Variants in DUSP8 observed in about 807,000 individuals in gnomAD.
The protein encoded by DUSP8 is dual specificity protein phosphatase 8.
In DUSP8, 15 loss-of-function variants were observed where a neutral mutation model predicts 38.7. That is an observed-to-expected ratio of 0.39 (90% CI 0.26 to 0.60). The LOEUF is 0.60. DUSP8 is among the 20% of genes least tolerant of loss of function. DUSP8 has a pLI of 0.56. For missense variants in DUSP8, 768 were observed against 915.0 expected, an observed-to-expected ratio of 0.84 and a Z score of 2.07; for synonymous variants, 458 against 433.9, an observed-to-expected ratio of 1.06 and a Z score of -0.69.
In DUSP8 at chr11:1,555,453, C is replaced by A. The variant is rs1441396782; in HGVS notation, c.*1065G>T. ...GAGCCCCTCAGCCTGCAGGTGCACA[C>A]CTGAATTCCAAGTTCTGCCTGGGGC... On this transcript the variant is annotated 3_prime_UTR_variant, in exon 7 of 7. Transcript: ENST00000397374. 1 of 983,292 alleles carries A rather than the reference C, an allele frequency of 1.0e-6. No individual in the cohort carries two copies. Among genetic ancestry groups the A allele is most frequent in the African/African-American group, 1.8e-5 (1 of 56,918 alleles). 60.9% of individuals were successfully genotyped at this position (983,292 alleles called of 1,614,324 possible). A position where few individuals can be genotyped will look rare whatever the true frequency, so the allele number is the denominator to read the frequency against.
chr11:1,556,222 C>T lies in DUSP8; in HGVS notation c.*296G>A, dbSNP rs1166539676. 13 of 303,392 alleles carry T rather than the reference C, an allele frequency of 4.3e-5. No individual in the cohort carries two copies. The highest frequency in any genetic ancestry group is 6.6e-5 in the Non-Finnish European group (11 of 167,608). 18.8% of individuals were successfully genotyped at this position (303,392 alleles called of 1,614,324 possible). ...CAAAGGTCAGCAGTGTTTCCTGGGG[C>T]GGGGGAACTGGGAGGGGCCCCAGGC... On this transcript the variant is annotated 3_prime_UTR_variant, in exon 7 of 7. Coordinates refer to ENST00000397374, the MANE Select transcript of DUSP8 (RefSeq NM_004420.3). The surrounding 1 kb of genome is among the most constrained non-coding windows in gnomAD (Gnocchi z 5.2).
intron 1 of DUSP8, among the ~76,000 whole-genome samples, chr11:1,567,027 GTTTGC>G (rs1443309072): frequency 6.6e-6 from 1 of 152,158 alleles, no homozygotes; most frequent in Admixed American, 6.5e-5. Flanking sequence ...AGGATGATGA[GTTTGC>G]TTTAACTATG....
Position 1,572,176 on chromosome 11 carries a change from CGGCTCGGGCTCG to C in DUSP8, c.-396_-385del, listed in dbSNP as rs933678425. Among the ~76,000 whole-genome samples the C allele has an allele frequency of 2.8e-4, 40 of 145,266 alleles. No homozygotes were observed. Among genetic ancestry groups the C allele is most frequent in the African/African-American group, 6.2e-4 (25 of 40,484 alleles). ...CGGGCGCGGCCGGGAGGTTCCGGCGCGGCTCGGGCTCGGGCTCGGGCTCGGGCTCGGGCGTCC... is the reference window on the plus strand; with the variant it reads ...CGGGCGCGGCCGGGAGGTTCCGGCGCGGCTCGGGCTCGGGCTCGGGCGTCC... On this transcript the variant is annotated 5_prime_UTR_variant, in exon 1 of 7. Transcript: ENST00000397374. The surrounding 1 kb of genome is among the most constrained non-coding windows in gnomAD (Gnocchi z 4.7).
Position 1,556,455 on chromosome 11 carries a change from A to AT in DUSP8, c.*62dup. 1 of 1,230,414 alleles carries AT rather than the reference A, an allele frequency of 8.1e-7. No individual in the cohort carries two copies. Among genetic ancestry groups the AT allele is most frequent in the Non-Finnish European group, 1.0e-6 (1 of 986,786 alleles). The allele number at this position is 1,230,414 out of a possible 1,614,324, so 76.2% of individuals were successfully genotyped here. A position where few individuals can be genotyped will look rare whatever the true frequency, so the allele number is the denominator to read the frequency against. ...AAAACCATTTACCTTTCTTTGCATTATATATAATATACATTTATAACGGGC... is the reference window on the plus strand; with the variant it reads ...AAAACCATTTACCTTTCTTTGCATTATTATATAATATACATTTATAACGGGC... On this transcript the variant is annotated 3_prime_UTR_variant, in exon 7 of 7. Transcript: ENST00000397374. This position sits in a 1 kb window ranked among gnomAD's most constrained non-coding sequence, Gnocchi z 5.2.
At chr11:1,563,743 T>G in intron 3 of DUSP8, 108 bp downstream of exon 3, 12 of 1,207,738 alleles carry the variant, frequency 9.9e-6, no homozygotes, top group South Asian at 1.7e-5. Flanking sequence ...CACAGATGTA[T>G]GGAGATCCCC....
At chr11:1,562,138 G>A (rs1180430336) in intron 3 of DUSP8, among the ~76,000 whole-genome samples, 3 of 152,076 alleles carry the variant, frequency 2.0e-5, no homozygotes, top group Non-Finnish European at 4.4e-5. Flanking sequence ...ACTCATCCAC[G>A]CCCACCTGCA....
chr11:1,555,533 CCTCA>C lies in DUSP8; in HGVS notation c.*981_*984del. The C allele has an allele frequency of 3.3e-6, 3 of 910,638 alleles. No homozygotes were observed. The highest frequency in any genetic ancestry group is 1.0e-4 in the South Asian group (2 of 19,790). The allele number at this position is 910,638 out of a possible 1,614,324, so 56.4% of individuals were successfully genotyped here. The stretch of plus-strand genomic sequence containing the variant: ...GAACAGAACCCTAAGACCACCCCCT[CCTCA>C]TACCTGGGGGTCCAGGGCTTCCTGC... On this transcript the variant is annotated 3_prime_UTR_variant, in exon 7 of 7. Coordinates refer to ENST00000397374, the MANE Select transcript of DUSP8 (RefSeq NM_004420.3).
At chr11:1,568,057 G>A (rs7945398) in intron 1 of DUSP8, among the ~76,000 whole-genome samples, 3,012 of 152,326 alleles carry the variant, frequency 0.02, 94 homozygotes, top group African/African-American at 0.068. Flanking sequence ...CAGAGACCCA[G>A]AACCCCGAGA....
At chr11:1,568,451 G>A (rs1013289593) in intron 1 of DUSP8, among the ~76,000 whole-genome samples, 3 of 152,148 alleles carry the variant, frequency 2.0e-5, no homozygotes, top group African/African-American at 7.2e-5. Context: ...GCTGGAGCTG[G>A]GCCTATCACC....
In DUSP8 at chr11:1,555,226, G is replaced by A. The variant is rs1253493297; in HGVS notation, c.*1292C>T. On this transcript the variant is annotated 3_prime_UTR_variant, in exon 7 of 7. Coordinates refer to ENST00000397374, the MANE Select transcript of DUSP8 (RefSeq NM_004420.3). Reference sequence around the variant, plus strand: ...GCCCAAAAGCCACTTGTGTTTGGGGGCTGGCATGCCACCTAGAGAGAGAGC... The same window carrying A: ...GCCCAAAAGCCACTTGTGTTTGGGGACTGGCATGCCACCTAGAGAGAGAGC... The A allele has an allele frequency of 5.1e-6, 5 of 987,794 alleles. No individual in the cohort carries two copies. Among genetic ancestry groups the A allele is most frequent in the African/African-American group, 1.7e-5 (1 of 57,318 alleles). 61.2% of individuals were successfully genotyped at this position (987,794 alleles called of 1,614,324 possible). A position where few individuals can be genotyped will look rare whatever the true frequency, so the allele number is the denominator to read the frequency against.
Position 1,557,093 on chromosome 11 carries a change from G to T in DUSP8, c.1303C>A (p.Leu435Met). The T allele has an allele frequency of 7.4e-7, 1 of 1,347,154 alleles. No homozygotes were observed. The highest frequency in any genetic ancestry group is 1.7e-5 in the South Asian group (1 of 58,846). The allele number at this position is 1,347,154 out of a possible 1,614,324, so 83.5% of individuals were successfully genotyped here. A position where few individuals can be genotyped will look rare whatever the true frequency, so the allele number is the denominator to read the frequency against. ...LDSPSGAALG[L>M]SSPSPDSPDA... ...GGGCTGTCCGGGCTGGGCGAGGACA[G>T]GCCCAGCGCGGCCCCCGACGGGCTG... Residue 435 changes from leucine (L) to methionine (M), a missense_variant, in exon 7 of 7, where the codon CTG becomes ATG. Transcript: ENST00000397374. This position sits in a 1 kb window ranked among gnomAD's most constrained non-coding sequence, Gnocchi z 9.9.
intron 3 of DUSP8, 41 bp from the exon 4 acceptor site, chr11:1,559,096 A>G: frequency 1.3e-6 from 2 of 1,588,738 alleles, no homozygotes; most frequent in Non-Finnish European, 1.7e-6. Context: ...GAGAACACCT[A>G]GGGCTCCCTG....
chr11:1,554,503 G>A lies in DUSP8; in HGVS notation c.*2015C>T. 3.1e-6 allele frequency: 1 copy of A among 321,154 alleles called. No homozygotes were observed. Among genetic ancestry groups the A allele is most frequent in the Non-Finnish European group, 4.5e-6 (1 of 220,380 alleles). 19.9% of individuals were successfully genotyped at this position (321,154 alleles called of 1,614,324 possible). A position where few individuals can be genotyped will look rare whatever the true frequency, so the allele number is the denominator to read the frequency against. ...CCCGCCTCCTGCAGCACTGGAGGAG[G>A]CAGTGGCCAACACAGGACCTTCGCC... is the stretch of plus-strand genomic sequence containing the variant. On this transcript the variant is annotated 3_prime_UTR_variant, in exon 7 of 7. Transcript: ENST00000397374.
At chr11:1,569,110 G>C (rs1198492959) in intron 1 of DUSP8, among the ~76,000 whole-genome samples, 3 of 152,156 alleles carry the variant, frequency 2.0e-5, no homozygotes, top group African/African-American at 7.2e-5. Context: ...GGCCCCACAT[G>C]CCAAGCCCTC....
intron 1 of DUSP8, among the ~76,000 whole-genome samples, chr11:1,569,467 A>T (rs1184332142): frequency 6.6e-6 from 1 of 151,894 alleles, no homozygotes; most frequent in African/African-American, 2.4e-5. Context: ...GCAAGTACCC[A>T]CGCGTGAATA....
At position 1,572,165 on chromosome 11, in the gene DUSP8, A is replaced by G. The variant is rs1247214888; in HGVS notation, c.-373T>C. 4.9e-5 allele frequency among the ~76,000 whole-genome samples: 7 copies of G among 143,322 alleles called. No individual in the cohort carries two copies. The highest frequency in any genetic ancestry group is 9.2e-5 in the Non-Finnish European group (6 of 65,104). The allele number at this position is 143,322 out of a possible 152,430, so 94.0% of individuals were successfully genotyped here. A position where few individuals can be genotyped will look rare whatever the true frequency, so the allele number is the denominator to read the frequency against. The stretch of plus-strand genomic sequence containing the variant: ...CCGCGGCTCGGCGGGCGCGGCCGGG[A>G]GGTTCCGGCGCGGCTCGGGCTCGGG... On this transcript the variant is annotated 5_prime_UTR_variant, in exon 1 of 7. Coordinates refer to ENST00000397374, the MANE Select transcript of DUSP8 (RefSeq NM_004420.3). This position sits in a 1 kb window ranked among gnomAD's most constrained non-coding sequence, Gnocchi z 4.7.
chr11:1,565,925 G>C lies in DUSP8; in HGVS notation c.-99C>G. ...TCGCGCTGGGAGTGACCTAGCACAT[G>C]GTGCTGGACCTGCAGGGACAGGGGG... On this transcript the variant is annotated 5_prime_UTR_variant, in exon 2 of 7. Transcript: ENST00000397374. 1.9e-6 allele frequency: 2 copies of C among 1,027,398 alleles called. No individual in the cohort carries two copies. Among genetic ancestry groups the C allele is most frequent in the Admixed American group, 3.8e-5 (2 of 52,418 alleles). The allele number at this position is 1,027,398 out of a possible 1,614,324, so 63.6% of individuals were successfully genotyped here. A position where few individuals can be genotyped will look rare whatever the true frequency, so the allele number is the denominator to read the frequency against.
rs1331753492 is a variant in DUSP8 at position 1,556,453 on chromosome 11, T to C, written c.*65A>G. On this transcript the variant is annotated 3_prime_UTR_variant, in exon 7 of 7. Transcript: ENST00000397374. The surrounding 1 kb of genome is among the most constrained non-coding windows in gnomAD (Gnocchi z 5.2). ...GTAAAACCATTTACCTTTCTTTGCA[T>C]TATATATAATATACATTTATAACGG... 6.5e-6 allele frequency: 8 copies of C among 1,230,230 alleles called. No homozygotes were observed. Among genetic ancestry groups the C allele is most frequent in the Non-Finnish European group, 8.1e-6 (8 of 986,796 alleles). The allele number at this position is 1,230,230 out of a possible 1,614,324, so 76.2% of individuals were successfully genotyped here.
chr11:1,558,964 C>G lies in DUSP8; in HGVS notation c.462G>C (p.Leu154=), dbSNP rs1284366458. Reference sequence around the variant, plus strand: ...GGGTCAGGCCCACGCTGGGCACAGGCAGGCAGGGCTGGGAGAGGCTCATGG... The same window carrying G: ...GGGTCAGGCCCACGCTGGGCACAGGGAGGCAGGGCTGGGAGAGGCTCATGG... ...LLPMSLSQPC[L]PVPSVGLTRI... Residue 154 remains leucine (L), a synonymous_variant, in exon 4 of 7, where the codon CTG becomes CTC. Coordinates refer to ENST00000397374, the MANE Select transcript of DUSP8 (RefSeq NM_004420.3). The surrounding 1 kb of genome is among the most constrained non-coding windows in gnomAD (Gnocchi z 6.3). 2 of 1,612,690 alleles carry G rather than the reference C, an allele frequency of 1.2e-6. No homozygotes were observed. Among genetic ancestry groups the G allele is most frequent in the African/African-American group, 2.7e-5 (2 of 74,912 alleles).
Sources: allele counts gnomAD v4.1 joint callset (sites outside exome capture counted in the v4.1 genomes callset), GRCh38; gene constraint gnomAD v4.1.1; non-coding constraint Gnocchi (gnomAD v3.1); transcripts MANE v1.5; gene names NCBI Gene and HGNC (gene_info 2026-07-23, HGNC 2026-07-21).